MSI2: variants seen among roughly 807,000 people sequenced by gnomAD.
MSI2 encodes musashi RNA binding protein 2, also known as RNA-binding protein Musashi homolog 2.
Under a neutral mutation model 45.6 loss-of-function variants are expected in MSI2, and 17 were observed. The observed-to-expected ratio is 0.37, with a 90% confidence interval of 0.26 to 0.56. The LOEUF (loss-of-function observed/expected upper bound fraction) is 0.56, where lower values mean the gene tolerates loss of function less well. Ranked by LOEUF, MSI2 falls within the 20% of genes least tolerant of loss-of-function variation. MSI2 has a pLI of 0.77. For synonymous variants in MSI2, 156 were observed against 158.2 expected (o/e 0.99, Z 0.11); for missense variants, 293 against 444.2 (o/e 0.66, Z 3.06).
rs1909773860 is a variant in MSI2 at position 57,285,314 on chromosome 17, T to G, written c.312+23122T>G. Among the ~76,000 whole-genome samples, 3 of 152,178 alleles carry G rather than the reference T, an allele frequency of 2.0e-5. No homozygotes were observed. In the South Asian group the frequency reaches 6.2e-4, roughly 32 times the overall value. ...GCCTTTTTGTTTTCTTTTGCCGACTTCTTCCAATAGCTTAGAGCAAATAGA... is the reference window on the plus strand; with the variant it reads ...GCCTTTTTGTTTTCTTTTGCCGACTGCTTCCAATAGCTTAGAGCAAATAGA... On this transcript the variant is annotated intron_variant, in intron 5 of 13. Coordinates refer to ENST00000284073, the MANE Select transcript of MSI2 (RefSeq NM_138962.4).
intron 11 of MSI2, among the ~76,000 whole-genome samples, chr17:57,671,047 C>T (rs9905296): frequency 0.18 from 26,660 of 151,900 alleles, 3,832 homozygotes; most frequent in African/African-American, 0.4. Context: ...ACTCCCTTTC[C>T]TTACATCATT....
At chr17:57,515,478 T>C (rs1389894936) in intron 6 of MSI2, among the ~76,000 whole-genome samples, 1 of 152,246 alleles carries the variant, frequency 6.6e-6, no homozygotes, top group South Asian at 2.1e-4. Flanking sequence ...GTGCTGGGAT[T>C]ACAGGTGTGA....
At chr17:57,382,934 C>T (rs1394272153) in intron 5 of MSI2, among the ~76,000 whole-genome samples, 1 of 152,168 alleles carries the variant, frequency 6.6e-6, no homozygotes, top group Admixed American at 6.5e-5. Context: ...TGCTATGTCC[C>T]AGGTGTCTCA....
chr17:57,518,404 T>G (rs918067675), intron 6 of MSI2, among the ~76,000 whole-genome samples: 1 of 152,118 alleles, frequency 6.6e-6, no homozygotes, highest in African/African-American at 2.4e-5. Context: ...ATGTGGATGA[T>G]TTTTCCATTT....
chr17:57,300,741 C>G (rs1911351990), intron 5 of MSI2, among the ~76,000 whole-genome samples: 1 of 152,202 alleles, frequency 6.6e-6, no homozygotes, highest in South Asian at 2.1e-4. Flanking sequence ...ACAGTCATGT[C>G]TTACATGGTG....
intron 5 of MSI2, among the ~76,000 whole-genome samples, chr17:57,311,590 GC>G (rs1316650853): frequency 1.3e-5 from 2 of 152,238 alleles, no homozygotes; most frequent in East Asian, 3.9e-4. Flanking sequence ...CTGTTCTCTT[GC>G]CCAGGCTGGA....
At chr17:57,369,329 A>G (rs1389171373) in intron 5 of MSI2, among the ~76,000 whole-genome samples, 1 of 152,222 alleles carries the variant, frequency 6.6e-6, no homozygotes, top group African/African-American at 2.4e-5. Context: ...GGGCAAGAAT[A>G]CAGCATAATG....
At chr17:57,271,565 T>TG (rs1035359634) in intron 5 of MSI2, among the ~76,000 whole-genome samples, 1 of 152,086 alleles carries the variant, frequency 6.6e-6, no homozygotes, top group African/African-American at 2.4e-5. Flanking sequence ...ATAAATTCCT[T>TG]GGGGGTCAAG....
intron 5 of MSI2, among the ~76,000 whole-genome samples, chr17:57,359,211 C>A (rs897915573): frequency 6.6e-6 from 1 of 152,196 alleles, no homozygotes; most frequent in Non-Finnish European, 1.5e-5. Context: ...TGCTGAGAGC[C>A]AGCCCATCAA....
chr17:57,473,312 G>A (rs924639832), intron 6 of MSI2, among the ~76,000 whole-genome samples: 6 of 152,156 alleles, frequency 3.9e-5, no homozygotes, highest in African/African-American at 1.2e-4. Flanking sequence ...ATATATATGC[G>A]TGTGTGAGTA....
intron 6 of MSI2, among the ~76,000 whole-genome samples, chr17:57,456,553 C>G (rs534369569): frequency 1.3e-5 from 2 of 152,146 alleles, no homozygotes; most frequent in Non-Finnish European, 2.9e-5. Flanking sequence ...TGAGATCGCA[C>G]CACTGCACTC....
intron 6 of MSI2, among the ~76,000 whole-genome samples, chr17:57,466,636 A>G (rs1421170983): frequency 6.6e-6 from 1 of 152,224 alleles, no homozygotes; most frequent in African/African-American, 2.4e-5. Flanking sequence ...CAGACTAGAA[A>G]GAGACTCCCT....
At chr17:57,602,689 CT>C (rs1906040475) in intron 8 of MSI2, among the ~76,000 whole-genome samples, 1 of 152,152 alleles carries the variant, frequency 6.6e-6, no homozygotes, top group African/African-American at 2.4e-5. Flanking sequence ...TTTCTTACTC[CT>C]TTAAGGTGAT....
intron 5 of MSI2, among the ~76,000 whole-genome samples, chr17:57,367,422 T>C (rs1056295117): frequency 6.6e-6 from 1 of 152,164 alleles, no homozygotes; most frequent in Non-Finnish European, 1.5e-5. Context: ...ATGAGGTATA[T>C]GTTGTGAGCA....
chr17:57,506,151 C>T (rs779413197), intron 6 of MSI2, among the ~76,000 whole-genome samples: 9 of 152,350 alleles, frequency 5.9e-5, no homozygotes, highest in South Asian at 4.1e-4. Flanking sequence ...TCTTTAAAGA[C>T]GCCCTCACCT....
chr17:57,487,052 G>A (rs1034925720), intron 6 of MSI2, among the ~76,000 whole-genome samples: 6 of 152,228 alleles, frequency 3.9e-5, no homozygotes, highest in African/African-American at 1.4e-4. Flanking sequence ...TTCACTTGCA[G>A]GCTAGGTTAC....
intron 6 of MSI2, among the ~76,000 whole-genome samples, chr17:57,422,415 G>A (rs572000667): frequency 2.6e-5 from 4 of 152,242 alleles, no homozygotes; most frequent in Admixed American, 6.5e-5. Context: ...AGCTGAGATC[G>A]CACCACTGCA....
At chr17:57,565,092 T>G (rs781066403) in intron 7 of MSI2, among the ~76,000 whole-genome samples, 1 of 152,208 alleles carries the variant, frequency 6.6e-6, no homozygotes, top group Non-Finnish European at 1.5e-5. Flanking sequence ...GGTTACTTGC[T>G]GAAGACACAG....
intron 7 of MSI2, among the ~76,000 whole-genome samples, chr17:57,593,882 G>C (rs1183796516): frequency 6.6e-6 from 1 of 152,188 alleles, no homozygotes; most frequent in Admixed American, 6.5e-5. Flanking sequence ...CGCTGTCCCT[G>C]CATGGGATCC....
Sources: gnomAD v4.1 joint callset for allele counts (sites outside exome capture counted in the v4.1 genomes callset) on GRCh38, gnomAD v4.1.1 for gene constraint, MANE v1.5 for transcripts, NCBI Gene and HGNC (gene_info 2026-07-23, HGNC 2026-07-21) for gene names.